The following SNTG1 variants were observed in gnomAD, a reference collection of about 807,000 sequenced individuals.
SNTG1 encodes syntrophin gamma 1.
A neutral mutation model predicts 74.7 loss-of-function variants in SNTG1; 39 were observed. The ratio of observed to expected loss-of-function variants is 0.52; its 90% confidence interval spans 0.40 to 0.68. SNTG1 has a LOEUF of 0.68. SNTG1 is among the 30% of genes least tolerant of loss of function. SNTG1 has a pLI of 0.00. For missense variants in SNTG1, 685 were observed against 609.5 expected (o/e 1.12, Z -1.30); for synonymous variants, 254 against 217.1 (o/e 1.17, Z -1.49).
chr8:50,470,757 C>T (rs763143430), intron 8 of SNTG1, among the ~76,000 whole-genome samples: 2 of 152,026 alleles, frequency 1.3e-5, no homozygotes, highest in Non-Finnish European at 2.9e-5. Flanking sequence ...TAGTGCGGAC[C>T]CAAAGAGTGA....
At chr8:49,914,710 T>C (rs977388253) in intron 1 of SNTG1, among the ~76,000 whole-genome samples, 1 of 152,168 alleles carries the variant, frequency 6.6e-6, no homozygotes, top group Non-Finnish European at 1.5e-5. Context: ...TATCAAAAAA[T>C]ATAAAAGTAA....
At chr8:50,092,175 C>T (rs149991) in intron 1 of SNTG1, among the ~76,000 whole-genome samples, 131,950 of 152,196 alleles carry the variant, frequency 0.87, 57,336 homozygotes, top group East Asian at 0.99. Flanking sequence ...GGTTAAGCTC[C>T]CCGTTCCTGG....
At chr8:50,574,152 G>A (rs1201694581) in intron 12 of SNTG1, among the ~76,000 whole-genome samples, 1 of 151,942 alleles carries the variant, frequency 6.6e-6, no homozygotes, top group African/African-American at 2.4e-5. Flanking sequence ...TCATTACCAA[G>A]GTCTGATTGC....
chr8:50,786,567 G>A lies in SNTG1; in HGVS notation c.1396-6104G>A, dbSNP rs551118342. 3.8e-3 allele frequency among the ~76,000 whole-genome samples: 581 copies of A among 152,002 alleles called. 2 individuals are homozygous for A. Among genetic ancestry groups the A allele is most frequent in the African/African-American group, 0.013 (558 of 41,512 alleles). On this transcript the variant is annotated intron_variant, in intron 18 of 18. Coordinates refer to ENST00000642720, the MANE Select transcript of SNTG1 (RefSeq NM_018967.5). ...AAATAATCTTGGCAAATAAGTTGGA[G>A]AGAACCCCCAGTTCCATATTTCAAA...
intron 15 of SNTG1, among the ~76,000 whole-genome samples, chr8:50,684,719 TTTTG>T (rs2095344716): frequency 6.7e-6 from 1 of 148,486 alleles, no homozygotes; most frequent in South Asian, 2.2e-4. Flanking sequence ...TTTTTTTTGT[TTTTG>T]TTTTTGTTTT....
chr8:50,017,103 C>T (rs886115399), intron 1 of SNTG1, among the ~76,000 whole-genome samples: 7 of 152,188 alleles, frequency 4.6e-5, no homozygotes, highest in African/African-American at 1.7e-4. Flanking sequence ...AATGCAAGGA[C>T]AGTATATGGT....
chr8:50,380,610 A>G (rs536148873), intron 2 of SNTG1, among the ~76,000 whole-genome samples: 64 of 152,126 alleles, frequency 4.2e-4, no homozygotes, highest in Non-Finnish European at 7.5e-4. Context: ...TTACATAACT[A>G]CTTAGCTCTC....
intron 13 of SNTG1, among the ~76,000 whole-genome samples, chr8:50,615,620 A>G (rs1001684921): frequency 2.0e-5 from 3 of 152,218 alleles, no homozygotes; most frequent in African/African-American, 7.2e-5. Context: ...AATAATGTTC[A>G]AAGCCTTTAC....
chr8:49,936,281 TC>T (rs34295861), intron 1 of SNTG1, among the ~76,000 whole-genome samples: 1 of 152,120 alleles, frequency 6.6e-6, no homozygotes, highest in Non-Finnish European at 1.5e-5. Flanking sequence ...AAGAACATTT[TC>T]CTTTTTTTTA....
intron 3 of SNTG1, among the ~76,000 whole-genome samples, chr8:50,397,161 G>A (rs775635975): frequency 6.6e-6 from 1 of 152,060 alleles, no homozygotes; most frequent in Admixed American, 6.6e-5. Context: ...TATGTTTGGT[G>A]TATATTTTAT....
intron 1 of SNTG1, among the ~76,000 whole-genome samples, chr8:49,924,583 G>GAT (rs1806848177): frequency 6.6e-6 from 1 of 152,128 alleles, no homozygotes; most frequent in Non-Finnish European, 1.5e-5. Flanking sequence ...CAGATGATCA[G>GAT]GTTAGGAAGC....
In SNTG1 at chr8:50,393,506, T is replaced by C. The variant is rs537118407; in HGVS notation, c.-27-706T>C. The stretch of plus-strand genomic sequence containing the variant: ...TGTTTTATAGTGTCTGGGTGTCAAC[T>C]TTCCGTGACATATCTTAGTTTGGTT... On this transcript the variant is annotated intron_variant, in intron 2 of 18. Coordinates refer to ENST00000642720, the MANE Select transcript of SNTG1 (RefSeq NM_018967.5). Among the ~76,000 whole-genome samples, 57 of 152,320 alleles carry C rather than the reference T, an allele frequency of 3.7e-4. 1 individual carries two copies. In the South Asian group the frequency reaches 0.012, roughly 32 times the overall value.
At chr8:50,431,448 A>G (rs1397476966) in intron 4 of SNTG1, among the ~76,000 whole-genome samples, 2 of 152,224 alleles carry the variant, frequency 1.3e-5, no homozygotes, top group African/African-American at 4.8e-5. Flanking sequence ...CACTTATTGA[A>G]GGACATCTTA....
intron 2 of SNTG1, among the ~76,000 whole-genome samples, chr8:50,180,750 CTTTTTTT>C (rs60630226): frequency 0.021 from 1,683 of 80,586 alleles, 24 homozygotes; most frequent in African/African-American, 0.027. Flanking sequence ...ATTGTGAAGC[CTTTTTTT>C]TTTTTTTTTT....
intron 2 of SNTG1, among the ~76,000 whole-genome samples, chr8:50,228,455 A>G (rs977721317): frequency 5.9e-5 from 9 of 151,952 alleles, no homozygotes; most frequent in African/African-American, 2.2e-4. Context: ...ACAAAATACT[A>G]AAATTACCTA....
At chr8:50,362,825 A>G (rs2131082337) in intron 2 of SNTG1, among the ~76,000 whole-genome samples, 1 of 152,294 alleles carries the variant, frequency 6.6e-6, no homozygotes. Context: ...AGGCTTCACA[A>G]AGACACATAA....
At chr8:50,321,209 G>T (rs2090516009) in intron 2 of SNTG1, among the ~76,000 whole-genome samples, 1 of 151,966 alleles carries the variant, frequency 6.6e-6, no homozygotes. Flanking sequence ...ATATATCTGG[G>T]TGCTCCAATG....
chr8:50,179,559 A>G (rs2083125110), intron 2 of SNTG1, among the ~76,000 whole-genome samples: 1 of 152,232 alleles, frequency 6.6e-6, no homozygotes, highest in Admixed American at 6.5e-5. Context: ...TTAATACTCA[A>G]AATACATAAG....
At chr8:50,427,182 C>A (rs1347839209) in intron 4 of SNTG1, among the ~76,000 whole-genome samples, 1 of 152,012 alleles carries the variant, frequency 6.6e-6, no homozygotes, top group East Asian at 1.9e-4. Flanking sequence ...AATGTTATTT[C>A]TTAGTTTTGT....
Sources: gnomAD v4.1 joint callset for allele counts (sites outside exome capture counted in the v4.1 genomes callset) on GRCh38, gnomAD v4.1.1 for gene constraint, MANE v1.5 for transcripts, NCBI Gene and HGNC (gene_info 2026-07-23, HGNC 2026-07-21) for gene names.